The following CCDC191 variants were observed in gnomAD, a reference collection of about 807,000 sequenced individuals.
The protein encoded by CCDC191 is coiled-coil domain-containing protein 191.
Under a neutral mutation model 114.0 loss-of-function variants are expected in CCDC191, and 99 were observed. The ratio of observed to expected loss-of-function variants is 0.87; its 90% confidence interval spans 0.74 to 1.03. The LOEUF (loss-of-function observed/expected upper bound fraction) is 1.03, where lower values mean the gene tolerates loss of function less well. Among genes scored for constraint, CCDC191 ranks in the 50% least tolerant of loss-of-function variants. CCDC191 has a pLI of 0.00. For synonymous variants in CCDC191, 351 were observed against 376.0 expected (o/e 0.93, Z 0.77); for missense variants, 973 against 1,087.0 (o/e 0.90, Z 1.47).
At chr3:113,982,220 A>G (rs1217721722) in intron 13 of CCDC191, among the ~76,000 whole-genome samples, 1 of 152,186 alleles carries the variant, frequency 6.6e-6, no homozygotes, top group Non-Finnish European at 1.5e-5. Flanking sequence ...TGTGGGGAAA[A>G]CCAGACTTTT....
intron 10 of CCDC191, among the ~76,000 whole-genome samples, chr3:114,005,240 A>G (rs953658095): frequency 6.6e-6 from 1 of 152,228 alleles, no homozygotes; most frequent in Non-Finnish European, 1.5e-5. Flanking sequence ...AGAGCAAGAC[A>G]GCATTTTTCT....
chr3:114,021,176 A>T (rs142092639), intron 7 of CCDC191, among the ~76,000 whole-genome samples: 2 of 152,292 alleles, frequency 1.3e-5, no homozygotes, highest in African/African-American at 4.8e-5. Flanking sequence ...CTGTATACAT[A>T]ACTTACCGTG....
At chr3:113,972,215 A>T (rs1295956265) in intron 16 of CCDC191, among the ~76,000 whole-genome samples, 1 of 152,054 alleles carries the variant, frequency 6.6e-6, no homozygotes, top group Admixed American at 6.6e-5. Flanking sequence ...TATTGCTATA[A>T]ACTTCTCTCT....
chr3:114,029,188 A>C (rs550202060), intron 7 of CCDC191, among the ~76,000 whole-genome samples: 8 of 152,290 alleles, frequency 5.3e-5, no homozygotes, highest in African/African-American at 1.7e-4. Context: ...GGTGCCAACA[A>C]AAAAGAAAGT....
chr3:114,006,615 T>TAAA (rs1553747213), intron 9 of CCDC191, among the ~76,000 whole-genome samples: 1 of 84,780 alleles, frequency 1.2e-5, no homozygotes, highest in Admixed American at 1.3e-4. Context: ...TATATATATA[T>TAAA]ATAAATATAT....
chr3:114,040,252 A>G (rs2076542844), intron 4 of CCDC191, among the ~76,000 whole-genome samples: 1 of 152,198 alleles, frequency 6.6e-6, no homozygotes, highest in South Asian at 2.1e-4. Context: ...TCTATCATCC[A>G]GGTTTGTGTA....
rs759433088 is a variant in CCDC191 at position 114,005,520 on chromosome 3, T to C, written c.1856A>G (p.Gln619Arg). ...AGAACAGACATACTTCACAAGCATC[T>C]GGCAGGTTCTTGGTTCCTCTTCTCT... The part of the protein sequence containing the change: ...KPREEEPRTC[Q>R]MLVNSPVASP... The change falls in exon 10 of 17, where the codon CAG (glutamine) becomes CGG (arginine). Residue 619 changes from glutamine (Q) to arginine (R), a missense_variant. Physicochemically the swap from Gln to Arg is conservative, Grantham distance 43. Coordinates refer to ENST00000295878, the MANE Select transcript of CCDC191 (RefSeq NM_020817.2). 2 of 1,608,294 alleles carry C rather than the reference T, an allele frequency of 1.2e-6. No homozygotes were observed. Among genetic ancestry groups the C allele is most frequent in the African/African-American group, 2.7e-5 (2 of 74,348 alleles).
chr3:114,006,976 A>C (rs976562376), intron 9 of CCDC191, among the ~76,000 whole-genome samples: 19 of 151,142 alleles, frequency 1.3e-4, no homozygotes, highest in Non-Finnish European at 2.2e-4. Context: ...TGGGTGGGAA[A>C]TATTTGGAAG....
chr3:114,036,641 ATCCTTCTGCTGCTTCTTGTCTTGGTTT>A lies in CCDC191; in HGVS notation c.534_560del (p.Glu178_Lys186del), dbSNP rs1463143252. ...GTCTCATCTCCATGGTAAGACGAGG[ATCCTTCTGCTGCTTCTTGTCTTGGTTT>A]TCCTTCCTTCCAAGATCTTCCATCA... On this transcript the variant is annotated inframe_deletion, in exon 5 of 17. Transcript: ENST00000295878. 5 of 1,602,712 alleles carry A rather than the reference ATCCTTCTGCTGCTTCTTGTCTTGGTTT, an allele frequency of 3.1e-6. No homozygotes were observed. Among genetic ancestry groups the A allele is most frequent in the Non-Finnish European group, 4.3e-6 (5 of 1,173,924 alleles).
intron 13 of CCDC191, among the ~76,000 whole-genome samples, chr3:113,985,803 G>A (rs758701858): frequency 6.6e-5 from 10 of 152,138 alleles, no homozygotes; most frequent in Non-Finnish European, 1.0e-4. Context: ...TGGTGACCAC[G>A]GCAACAACAA....
intron 2 of CCDC191, among the ~76,000 whole-genome samples, chr3:114,052,516 G>A (rs1379124269): frequency 6.6e-6 from 1 of 152,044 alleles, no homozygotes; most frequent in Non-Finnish European, 1.5e-5. Context: ...CGTCATCTAA[G>A]TTAGGCTTTC....
chr3:114,012,271 TACC>T (rs755711352), intron 8 of CCDC191, among the ~76,000 whole-genome samples: 1 of 152,090 alleles, frequency 6.6e-6, no homozygotes, highest in African/African-American at 2.4e-5. Flanking sequence ...TATTTACCCT[TACC>T]ACAAGAGATA....
At chr3:114,030,900 T>C (rs942412601) in intron 7 of CCDC191, among the ~76,000 whole-genome samples, 11 of 152,110 alleles carry the variant, frequency 7.2e-5, no homozygotes, top group African/African-American at 2.4e-4. Flanking sequence ...GGGGTGGGTG[T>C]TGTAGGATAT....
At chr3:114,027,395 C>T (rs190953013) in intron 7 of CCDC191, among the ~76,000 whole-genome samples, 80 of 152,184 alleles carry the variant, frequency 5.3e-4, no homozygotes, top group Middle Eastern at 6.8e-3. Context: ...GTGGGCGGAT[C>T]ACGAGGTCAG....
chr3:113,982,778 G>A (rs532780188), intron 13 of CCDC191, among the ~76,000 whole-genome samples: 7 of 148,674 alleles, frequency 4.7e-5, no homozygotes, highest in Admixed American at 2.7e-4. Context: ...TCTGCATCAC[G>A]AATTTCTCCC....
intron 16 of CCDC191, among the ~76,000 whole-genome samples, chr3:113,972,723 T>C (rs559726754): frequency 1.9e-4 from 29 of 152,288 alleles, no homozygotes; most frequent in Admixed American, 7.8e-4. Flanking sequence ...GTTTGCTTTA[T>C]ATACTTGGGT....
intron 15 of CCDC191, 110 bp downstream of exon 15, chr3:113,978,748 T>C: frequency 8.3e-7 from 1 of 1,206,492 alleles, no homozygotes; most frequent in Non-Finnish European, 1.2e-6. Flanking sequence ...TGACTACTCT[T>C]TTGTTCTTGA....
chr3:114,034,954 C>T lies in CCDC191; in HGVS notation c.789G>A (p.Arg263=), dbSNP rs61741386. 11,573 of 1,613,946 alleles carry T rather than the reference C, an allele frequency of 7.2e-3. 292 individuals carry two copies. In the East Asian group the frequency reaches 0.076, roughly 11 times the overall value. The stretch of plus-strand genomic sequence containing the variant: ...TCCATGCTGCTTTCACAGTGCGTCT[C>T]CTCTCAATTATCTCCCTCCGCAGCT... ...MVKLRREIIE[R]RRTVKAAWKI... is the part of the protein sequence containing the mutation. Residue 263 remains arginine, a synonymous_variant, in exon 6 of 17, where the codon AGG becomes AGA. Coordinates refer to ENST00000295878, the MANE Select transcript of CCDC191 (RefSeq NM_020817.2).
intron 8 of CCDC191, among the ~76,000 whole-genome samples, chr3:114,014,875 T>G (rs2076133037): frequency 6.6e-6 from 1 of 152,074 alleles, no homozygotes; most frequent in Non-Finnish European, 1.5e-5. Context: ...ACTTCCCCAT[T>G]TAGATAAAAA....
Sources: allele counts gnomAD v4.1 joint callset (sites outside exome capture counted in the v4.1 genomes callset), GRCh38; gene constraint gnomAD v4.1.1; transcripts MANE v1.5; gene names NCBI Gene and HGNC (gene_info 2026-07-23, HGNC 2026-07-21).